The following STS variants were observed in gnomAD, a reference collection of about 807,000 sequenced individuals.
STS encodes the protein steroid sulfatase.
Under a neutral mutation model 26.8 loss-of-function variants are expected in STS, and 7 were observed. The ratio of observed to expected loss-of-function variants is 0.26; its 90% CI spans 0.15 to 0.49. The LOEUF is 0.49. STS is among the 20% of genes least tolerant of loss of function. The pLI is 0.98. For missense variants in STS, 434 were observed against 465.6 expected (o/e 0.93, Z 0.63); for synonymous variants, 199 against 189.4 (o/e 1.05, Z -0.42).
rs182695623 is a variant in STS at position 7,210,909 on chromosome X, T to A, written c.-5+19901T>A. 7.4e-3 allele frequency among the ~76,000 whole-genome samples: 817 copies of A among 110,808 alleles called. 14 individuals are homozygous for A. Among genetic ancestry groups the A allele is most frequent in the African/African-American group, 0.026 (782 of 30,623 alleles). On this transcript the variant is annotated intron_variant, in intron 2 of 10. Transcript: ENST00000674429. The stretch of plus-strand genomic sequence containing the variant: ...GGTATACAACATGACATTTTGTTTT[T>A]TATATATATATGTATGTATGTACAT...
At chrX:7,325,634 G>T (rs1927406876) in intron 9 of STS, 136 bp downstream of exon 9, 1 of 726,628 alleles carries the variant, frequency 1.4e-6, no homozygotes, top group Admixed American at 2.4e-5. Context: ...CAGGTTTGAG[G>T]CAGGTCAATT....
intron 2 of STS, among the ~76,000 whole-genome samples, chrX:7,208,548 A>C (rs1480215434): frequency 8.9e-6 from 1 of 112,055 alleles, no homozygotes; most frequent in African/African-American, 3.2e-5. Context: ...GTTTTTCAGC[A>C]GATCTTTTTT....
At chrX:7,312,501 A>G (rs1327950658) in intron 8 of STS, among the ~76,000 whole-genome samples, 3 of 111,266 alleles carry the variant, frequency 2.7e-5, no homozygotes, top group African/African-American at 3.3e-5. Context: ...CTGTGTCCCC[A>G]TCAAAATCTC....
At chrX:7,332,025 C>T (rs1405997315) in intron 9 of STS, among the ~76,000 whole-genome samples, 2 of 110,453 alleles carry the variant, frequency 1.8e-5, no homozygotes, top group Non-Finnish European at 3.8e-5. Flanking sequence ...AATTATAAGA[C>T]TTGGAGTCTT....
At chrX:7,162,874 G>A (rs5934582) in intron 1 of STS, among the ~76,000 whole-genome samples, 10,171 of 82,379 alleles carry the variant, frequency 0.12, 680 homozygotes, top group Middle Eastern at 0.25. Flanking sequence ...GTGAAACCCC[G>A]TCTATACTAA....
At chrX:7,266,384 T>C (rs1263804073) in intron 6 of STS, among the ~76,000 whole-genome samples, 1 of 111,958 alleles carries the variant, frequency 8.9e-6, no homozygotes, top group Non-Finnish European at 1.9e-5. Flanking sequence ...GATGCTTCAT[T>C]GGTTTGTGAT....
chrX:7,337,078 C>T (rs1444397371), intron 10 of STS, among the ~76,000 whole-genome samples: 3 of 111,956 alleles, frequency 2.7e-5, no homozygotes, highest in South Asian at 3.8e-4. Flanking sequence ...AATCATTTAT[C>T]GAGATAAAGG....
intron 2 of STS, among the ~76,000 whole-genome samples, chrX:7,219,927 G>A (rs1480361201): frequency 8.9e-6 from 1 of 112,442 alleles, no homozygotes; most frequent in African/African-American, 3.2e-5. Context: ...CATGCAAATC[G>A]CTTTTGTGGC....
At chrX:7,285,351 A>G (rs1925080416) in intron 7 of STS, among the ~76,000 whole-genome samples, 1 of 112,086 alleles carries the variant, frequency 8.9e-6, no homozygotes, top group South Asian at 3.7e-4. Flanking sequence ...AGATATATTT[A>G]TCTGATATAC....
intron 5 of STS, among the ~76,000 whole-genome samples, chrX:7,258,028 ATG>A (rs1923515963): frequency 9.2e-6 from 1 of 108,743 alleles, no homozygotes; most frequent in South Asian, 4.0e-4. Context: ...GGATGGATGG[ATG>A]GATGGATGGA....
chrX:7,263,132 G>A (rs1037645279), intron 6 of STS, among the ~76,000 whole-genome samples: 5 of 111,357 alleles, frequency 4.5e-5, no homozygotes, highest in Admixed American at 2.8e-4. Context: ...GCAGTGGTGC[G>A]ATCTCGGCTC....
chrX:7,253,289 C>T lies in STS; in HGVS notation c.90C>T (p.Asp30=), dbSNP rs140747032. Residue 30 remains aspartate (D), a synonymous_variant, in exon 3 of 11, where the codon GAC becomes GAT. Coordinates refer to ENST00000674429, the MANE Select transcript of STS (RefSeq NM_001320752.2). ...CGAACATCATCCTGGTGATGGCTGA[C>T]GACCTCGGCATTGGAGATCCTGGGT... ...SRPNIILVMA[D]DLGIGDPGCY... 1.4e-4 allele frequency: 174 copies of T among 1,209,770 alleles called. No homozygotes were observed. Among genetic ancestry groups the T allele is most frequent in the Admixed American group, 1.5e-4 (7 of 45,726 alleles).
chrX:7,254,320 C>G (rs58425860), intron 3 of STS, among the ~76,000 whole-genome samples: 4,701 of 111,856 alleles, frequency 0.042, 227 homozygotes, highest in African/African-American at 0.14. Context: ...GTTTCTCTCC[C>G]TCTGCGTAAA....
intron 1 of STS, among the ~76,000 whole-genome samples, chrX:7,181,217 A>G (rs1471137562): frequency 8.9e-6 from 1 of 112,572 alleles, no homozygotes; most frequent in East Asian, 2.8e-4. Context: ...GTGTTACACA[A>G]TATACTCGTG....
chrX:7,279,114 G>A (rs932231084), intron 7 of STS, among the ~76,000 whole-genome samples: 1 of 107,555 alleles, frequency 9.3e-6, no homozygotes, highest in Non-Finnish European at 1.9e-5. Context: ...GACCAGCCTG[G>A]CCAACATGGT....
intron 7 of STS, among the ~76,000 whole-genome samples, chrX:7,292,035 C>A (rs1925445318): frequency 8.9e-6 from 1 of 112,314 alleles, no homozygotes; most frequent in South Asian, 3.6e-4. Context: ...AGAAAACAAG[C>A]TTCTTTGACA....
At chrX:7,248,225 G>A (rs2147076560) in intron 2 of STS, among the ~76,000 whole-genome samples, 1 of 112,127 alleles carries the variant, frequency 8.9e-6, no homozygotes, top group South Asian at 3.7e-4. Flanking sequence ...ATAATGTCAT[G>A]TACCAATTCT....
chrX:7,334,249 C>G, intron 10 of STS, 142 bp downstream of exon 10: 1 of 854,052 alleles, frequency 1.2e-6, no homozygotes, highest in Non-Finnish European at 1.7e-6. Context: ...TTGCTTTGTC[C>G]TCTTTTCCCT....
chrX:7,305,080 G>A lies in STS; in HGVS notation c.978G>A (p.Leu326=), dbSNP rs1200042161. 5.8e-6 allele frequency: 7 copies of A among 1,210,908 alleles called. No homozygotes were observed. Among genetic ancestry groups the A allele is most frequent in the Non-Finnish European group, 7.8e-6 (7 of 894,883 alleles). The change falls in exon 8 of 11, where the codon TTG becomes TTA. Residue 326 remains leucine, a synonymous_variant. Transcript: ENST00000674429. The stretch of plus-strand genomic sequence containing the variant: ...TGAACCTTCTGGATGAGCTGAGATT[G>A]GCTAATGATACCCTCATCTACTTCA... ...QILNLLDELR[L]ANDTLIYFTS... is the part of the protein sequence containing the mutation.
Sources: allele counts gnomAD v4.1 joint callset (sites outside exome capture counted in the v4.1 genomes callset), GRCh38; gene constraint gnomAD v4.1.1; transcripts MANE v1.5; gene names NCBI Gene and HGNC (gene_info 2026-07-23, HGNC 2026-07-21).